Variants in CA3 observed in about 807,000 individuals in gnomAD.
CA3 encodes carbonic anhydrase 3.
In CA3, 30 loss-of-function variants were observed where a neutral mutation model predicts 35.7. The observed-to-expected ratio is 0.84, with a 90% CI of 0.63 to 1.14. The LOEUF (loss-of-function observed/expected upper bound fraction) is 1.14, where lower values mean the gene tolerates loss of function less well. Among genes scored for constraint, CA3 ranks in the 50% most tolerant of loss-of-function variants. The pLI, the probability that CA3 is intolerant of heterozygous loss-of-function variation, is 0.00. For missense variants in CA3, 295 were observed against 328.5 expected, an observed-to-expected ratio of 0.90 and a Z score of 0.79; for synonymous variants, 131 against 130.8, an observed-to-expected ratio of 1.00 and a Z score of -0.01.
chr8:85,440,566 C>A (rs1811194165), intron 2 of CA3, among the ~76,000 whole-genome samples: 1 of 152,154 alleles, frequency 6.6e-6, no homozygotes, highest in African/African-American at 2.4e-5. Flanking sequence ...TTTATTTCAC[C>A]TACACTAGTA....
At chr8:85,442,247 T>A in intron 3 of CA3, 56 bp downstream of exon 3, 1 of 906,742 alleles carries the variant, frequency 1.1e-6, no homozygotes. Flanking sequence ...ACTGCAAAAT[T>A]AAAAATAAGA....
intron 5 of CA3, 41 bp from the exon 6 acceptor site, chr8:85,446,101 C>A: frequency 6.5e-7 from 1 of 1,532,382 alleles, no homozygotes; most frequent in South Asian, 1.2e-5. Context: ...TGGGCATGTG[C>A]ATGCATGCAC....
rs1286993926 is a variant in CA3 at position 85,438,960 on chromosome 8, G to T, written c.34+17G>T. The T allele has an allele frequency of 6.4e-7, 1 of 1,550,922 alleles. No homozygotes were observed. Among genetic ancestry groups the T allele is most frequent in the East Asian group, 2.4e-5 (1 of 40,910 alleles). The stretch of plus-strand genomic sequence containing the variant: ...GTCACAACGGTGAGTGCAGGCAGCC[G>T]CGACCCGGCCAGGAAGGGATGCCAG... On this transcript the variant is annotated intron_variant, in intron 1 of 6. Transcript: ENST00000285381.
intron 6 of CA3, 75 bp downstream of exon 6, chr8:85,446,372 C>G: frequency 6.7e-7 from 1 of 1,496,698 alleles, no homozygotes; most frequent in Non-Finnish European, 9.1e-7. Context: ...ATCAAAAATA[C>G]ATAGCTACTA....
intron 1 of CA3, 118 bp downstream of exon 1, chr8:85,439,061 A>C: frequency 1.0e-6 from 1 of 995,454 alleles, no homozygotes; most frequent in South Asian, 1.5e-5. Flanking sequence ...GTAGAATAAG[A>C]CCTAACATTT....
rs1811245551 is a variant in CA3 at position 85,444,115 on chromosome 8, A to G, written c.433A>G (p.Ile145Val). ...KQRDGIAVIG[I>V]FLKIGHENGE... ...GCGCGATGGGATCGCTGTGATTGGCATTTTTCTGAAGGTAAAGTAAAAATT... is the reference window on the plus strand; with the variant it reads ...GCGCGATGGGATCGCTGTGATTGGCGTTTTTCTGAAGGTAAAGTAAAAATT... Residue 145 changes from isoleucine (I) to valine (V), a missense_variant, in exon 4 of 7, where the codon ATT (isoleucine) becomes GTT (valine). By Grantham distance (29) the Ile-to-Val change is conservative (BLOSUM62 3). Coordinates refer to ENST00000285381, the MANE Select transcript of CA3 (RefSeq NM_005181.4). 6.2e-7 allele frequency: 1 copy of G among 1,608,450 alleles called. No individual in the cohort carries two copies. Among genetic ancestry groups the G allele is most frequent in the Non-Finnish European group, 8.5e-7 (1 of 1,174,858 alleles).
chr8:85,443,137 T>A (rs896527780), intron 3 of CA3, among the ~76,000 whole-genome samples: 10 of 152,168 alleles, frequency 6.6e-5, no homozygotes, highest in African/African-American at 2.4e-4. Context: ...TACACACACG[T>A]AGAGATATGT....
At chr8:85,447,885 C>T (rs572053415) in intron 6 of CA3, 149 bp from the exon 7 acceptor site, 9 of 685,360 alleles carry the variant, frequency 1.3e-5, no homozygotes, top group Admixed American at 9.5e-5. Flanking sequence ...GGCTACAGAG[C>T]GAGACTCTGT....
Position 85,446,207 on chromosome 8 carries a change from G to T in CA3, c.573G>T (p.Trp191Cys). The T allele has an allele frequency of 6.2e-7, 1 of 1,614,066 alleles. No individual in the cohort carries two copies. Among genetic ancestry groups the T allele is most frequent in the Non-Finnish European group, 8.5e-7 (1 of 1,179,986 alleles). Residue 191 changes from tryptophan to cysteine, a missense_variant, in exon 6 of 7, where the codon TGG becomes TGT. Trp to Cys is a radical substitution (Grantham distance 215). Coordinates refer to ENST00000285381, the MANE Select transcript of CA3 (RefSeq NM_005181.4). ...TGTTCCCGGCATGCCGGGACTACTG[G>T]ACCTACCAGGGCTCATTCACCACGC... ...SCLFPACRDY[W>C]TYQGSFTTPP... is the part of the protein sequence containing the mutation.
intron 3 of CA3, among the ~76,000 whole-genome samples, chr8:85,442,721 A>C (rs1296506766): frequency 6.6e-6 from 1 of 152,184 alleles, no homozygotes; most frequent in Non-Finnish European, 1.5e-5. Flanking sequence ...TCGAAAAAAG[A>C]AAAACCCTAA....
intron 5 of CA3, 88 bp downstream of exon 5, chr8:85,445,306 A>G: frequency 3.7e-6 from 3 of 810,288 alleles, no homozygotes; most frequent in Non-Finnish European, 6.0e-6. Flanking sequence ...TTCACCTAAA[A>G]TCTGTTACTA....
chr8:85,441,477 T>C (rs1811205575), intron 2 of CA3, among the ~76,000 whole-genome samples: 1 of 152,250 alleles, frequency 6.6e-6, no homozygotes, highest in South Asian at 2.1e-4. Context: ...TGAAGAAAAG[T>C]GTAGTTGGAA....
At chr8:85,444,575 G>A (rs370829078) in intron 4 of CA3, among the ~76,000 whole-genome samples, 14 of 152,334 alleles carry the variant, frequency 9.2e-5, no homozygotes, top group East Asian at 3.9e-4. Context: ...CACCACTCAC[G>A]TGATCCCAGG....
intron 5 of CA3, 72 bp downstream of exon 5, chr8:85,445,290 AT>A: frequency 1.0e-6 from 1 of 1,004,624 alleles, no homozygotes; most frequent in Non-Finnish European, 1.5e-6. Context: ...ATTTTCAAGT[AT>A]TTTTTTCACC....
At position 85,446,165 on chromosome 8, in the gene CA3, G is replaced by A. The variant is rs1452597305; in HGVS notation, c.531G>A (p.Lys177=). ...KTKGKEAPFT[K]FDPSCLFPAC... ...AGGGCAAGGAGGCGCCCTTCACAAA[G>A]TTTGACCCATCCTGCCTGTTCCCGG... Residue 177 remains lysine (K), a synonymous_variant, in exon 6 of 7, where the codon AAG becomes AAA. Transcript: ENST00000285381. The A allele has an allele frequency of 1.2e-6, 2 of 1,612,484 alleles. No homozygotes were observed. The highest frequency in any genetic ancestry group is 2.2e-5 in the South Asian group (2 of 90,784).
intron 3 of CA3, 90 bp downstream of exon 3, chr8:85,442,281 A>G: frequency 2.6e-6 from 2 of 781,628 alleles, no homozygotes; most frequent in South Asian, 2.8e-5. Context: ...AGCATCATCC[A>G]CTGCTTTTGT....
chr8:85,444,368 G>T (rs766131029), intron 4 of CA3, among the ~76,000 whole-genome samples: 26 of 151,496 alleles, frequency 1.7e-4, no homozygotes, highest in Admixed American at 6.6e-4. Flanking sequence ...AGATGTGGGA[G>T]GTGTGTGTGT....
intron 6 of CA3, among the ~76,000 whole-genome samples, chr8:85,446,587 T>C (rs1362802908): frequency 2.0e-5 from 3 of 152,234 alleles, no homozygotes; most frequent in Non-Finnish European, 4.4e-5. Context: ...TATGAGTCTT[T>C]GTTAATTTGG....
chr8:85,444,612 T>C (rs183372403), intron 4 of CA3, among the ~76,000 whole-genome samples: 1 of 152,360 alleles, frequency 6.6e-6, no homozygotes, highest in Admixed American at 6.5e-5. Context: ...AATGTGTGTG[T>C]TGTTGAGCCA....
Sources: allele counts gnomAD v4.1 joint callset (sites outside exome capture counted in the v4.1 genomes callset), GRCh38; gene constraint gnomAD v4.1.1; transcripts MANE v1.5; gene names NCBI Gene and HGNC (gene_info 2026-07-23, HGNC 2026-07-21).